The following CDH13 variants were observed in gnomAD, a reference collection of about 807,000 sequenced individuals.
The protein encoded by CDH13 is cadherin 13.
A neutral mutation model predicts 63.8 loss-of-function variants in CDH13; 24 were observed. That is an observed-to-expected ratio of 0.38 (90% CI 0.27 to 0.53). CDH13 has a LOEUF of 0.53. Among genes scored for constraint, CDH13 ranks in the 20% least tolerant of loss-of-function variants. The probability of loss-of-function intolerance (pLI) is 0.85; values close to 1 mark genes in which losing one functional copy is unlikely to be tolerated. For synonymous variants in CDH13, 503 were observed against 355.3 expected, an observed-to-expected ratio of 1.42 and a Z score of -4.67; for missense variants, 1,049 against 903.1, an observed-to-expected ratio of 1.16 and a Z score of -2.07.
At chr16:82,655,750 C>G (rs905788802) in intron 1 of CDH13, among the ~76,000 whole-genome samples, 1 of 152,216 alleles carries the variant, frequency 6.6e-6, no homozygotes, top group African/African-American at 2.4e-5. Context: ...TCAGTCCTCA[C>G]AACCACCAAA....
chr16:82,789,760 C>T (rs2036197687), intron 1 of CDH13, among the ~76,000 whole-genome samples: 1 of 152,186 alleles, frequency 6.6e-6, no homozygotes, highest in South Asian at 2.1e-4. Context: ...TTTCTTCTTG[C>T]TCCAAGAGTT....
chr16:82,661,521 C>T (rs1313948699), intron 1 of CDH13, among the ~76,000 whole-genome samples: 1 of 152,204 alleles, frequency 6.6e-6, no homozygotes, highest in Non-Finnish European at 1.5e-5. Context: ...AGGGAATTAG[C>T]GCAGGTGTTC....
At chr16:83,392,837 A>G (rs1281790907) in intron 6 of CDH13, among the ~76,000 whole-genome samples, 1 of 149,724 alleles carries the variant, frequency 6.7e-6, no homozygotes, top group Non-Finnish European at 1.5e-5. Context: ...TCGGTGGAGG[A>G]TGGAGGTAGC....
At chr16:82,891,213 C>G (rs1196407647) in intron 2 of CDH13, among the ~76,000 whole-genome samples, 2 of 152,060 alleles carry the variant, frequency 1.3e-5, no homozygotes, top group Non-Finnish European at 2.9e-5. Context: ...CATGCTGGAA[C>G]TTATGTGGAG....
intron 4 of CDH13, among the ~76,000 whole-genome samples, chr16:83,212,751 AG>A (rs1180465427): frequency 6.6e-6 from 1 of 152,058 alleles, no homozygotes. Context: ...TCACCTGGGG[AG>A]GGGGGATTGT....
At chr16:82,949,792 C>G (rs1224273377) in intron 2 of CDH13, among the ~76,000 whole-genome samples, 1 of 152,082 alleles carries the variant, frequency 6.6e-6, no homozygotes, top group African/African-American at 2.4e-5. Flanking sequence ...GTTACAGCCT[C>G]TTTGTGTTAA....
intron 1 of CDH13, among the ~76,000 whole-genome samples, chr16:82,749,999 G>A (rs764151756): frequency 2.6e-5 from 4 of 152,274 alleles, no homozygotes; most frequent in Non-Finnish European, 5.9e-5. Context: ...GTATTCCTGG[G>A]TGGGGCCAAA....
At chr16:83,014,768 A>ATATGTATATATTTGTATATATATATTTG (rs1914550343) in intron 2 of CDH13, among the ~76,000 whole-genome samples, 1 of 44,880 alleles carries the variant, frequency 2.2e-5, no homozygotes, top group African/African-American at 7.3e-5. Context: ...ATATATATAT[A>ATATGTATATATTTGTATATATATATTTG]TATATATGTA....
At chr16:82,646,380 G>T (rs189053753) in intron 1 of CDH13, 1 of 152,118 alleles carries the variant, frequency 6.6e-6, no homozygotes, top group Admixed American at 6.5e-5. Context: ...TTTTCATTGA[G>T]ATGGGGTTTG....
At position 83,294,780 on chromosome 16, in the gene CDH13, A is replaced by G. The variant is rs574525660; in HGVS notation, c.637-50082A>G. Among the ~76,000 whole-genome samples, 7 of 152,250 alleles carry G rather than the reference A, an allele frequency of 4.6e-5. No homozygotes were observed. In the South Asian group the frequency reaches 6.2e-4, roughly 14 times the overall value. On this transcript the variant is annotated intron_variant, in intron 5 of 13. Coordinates refer to ENST00000567109, the MANE Select transcript of CDH13 (RefSeq NM_001257.5). ...TCCCATGTTCGTGGATTGCCGGAAT[A>G]ATATTGTTAAAATGCCCGTACTACC...
intron 2 of CDH13, among the ~76,000 whole-genome samples, chr16:82,958,647 C>G (rs980723399): frequency 2.0e-5 from 3 of 152,212 alleles, no homozygotes; most frequent in African/African-American, 7.2e-5. Context: ...ATAGCCAGGT[C>G]TGAAGCTCTG....
At chr16:83,462,168 C>T (rs1236534818) in intron 6 of CDH13, among the ~76,000 whole-genome samples, 1 of 152,230 alleles carries the variant, frequency 6.6e-6, no homozygotes, top group Admixed American at 6.5e-5. Context: ...CCTTGCAGTT[C>T]TTCAAGCAGC....
chr16:83,691,951 C>T (rs1382268962), intron 10 of CDH13, among the ~76,000 whole-genome samples: 1 of 152,142 alleles, frequency 6.6e-6, no homozygotes, highest in Non-Finnish European at 1.5e-5. Context: ...CCCTGTGGGT[C>T]TCTGATTACC....
At chr16:83,602,415 C>T in intron 7 of CDH13, 39 bp from the exon 8 acceptor site, 1 of 1,612,558 alleles carries the variant, frequency 6.2e-7, no homozygotes, top group South Asian at 1.1e-5. Flanking sequence ...TAACCCAAAT[C>T]TAAATGTCAT....
intron 1 of CDH13, among the ~76,000 whole-genome samples, chr16:82,845,753 C>T (rs1213029162): frequency 6.6e-6 from 1 of 152,188 alleles, no homozygotes; most frequent in Non-Finnish European, 1.5e-5. Context: ...CATTCGACAT[C>T]ACTAATTTAA....
At chr16:82,844,608 GA>G (rs76640285) in intron 1 of CDH13, 49,531 of 128,992 alleles carry the variant, frequency 0.38, 10,139 homozygotes, top group East Asian at 0.83. Flanking sequence ...CTCGGAAAAA[GA>G]AAAAAAAAAG....
rs149072715 is a variant in CDH13, at chr16:83,321,716, G to T, written c.637-23146G>T. ...GCTAATTTTTTGTATTTTTAGTAGA[G>T]ACAGGGTTTCATCGTGTTAGCCAGG... is the stretch of plus-strand genomic sequence containing the variant. On this transcript the variant is annotated intron_variant, in intron 5 of 13. Transcript: ENST00000567109. Among the ~76,000 whole-genome samples the T allele has an allele frequency of 4.4e-3, 675 of 152,060 alleles. 7 individuals are homozygous for T. The highest frequency in any genetic ancestry group is 0.015 in the African/African-American group (641 of 41,494).
intron 13 of CDH13, among the ~76,000 whole-genome samples, chr16:83,790,823 C>T (rs1177067905): frequency 1.3e-5 from 2 of 152,176 alleles, no homozygotes; most frequent in Non-Finnish European, 2.9e-5. Flanking sequence ...GTTTTTCTAG[C>T]ACGACTTTTA....
intron 5 of CDH13, among the ~76,000 whole-genome samples, chr16:83,287,132 A>G (rs1349361076): frequency 6.6e-6 from 1 of 152,188 alleles, no homozygotes; most frequent in Non-Finnish European, 1.5e-5. Context: ...TTCATTCTGC[A>G]AATGTCAGTG....
Sources: gnomAD v4.1 joint callset for allele counts (sites outside exome capture counted in the v4.1 genomes callset) on GRCh38, gnomAD v4.1.1 for gene constraint, MANE v1.5 for transcripts, NCBI Gene and HGNC (gene_info 2026-07-23, HGNC 2026-07-21) for gene names.